CNTNAP3B: variants seen among roughly 807,000 people sequenced by gnomAD.
CNTNAP3B encodes the protein contactin associated protein family member 3B, also known as contactin-associated protein-like 3B.
CNTNAP3B carries 25 observed loss-of-function variants against 108.9 expected under a neutral mutation model. The ratio of observed to expected loss-of-function variants is 0.23; its 90% CI spans 0.17 to 0.32. The LOEUF (loss-of-function observed/expected upper bound fraction) is 0.32. Among genes scored for constraint, CNTNAP3B ranks in the 10% least tolerant of loss-of-function variants. The probability of loss-of-function intolerance (pLI) is 1.00; values close to 1 mark genes in which losing one functional copy is unlikely to be tolerated. For missense variants in CNTNAP3B, 252 were observed against 1,210.4 expected (o/e 0.21, Z 11.75); for synonymous variants, 103 against 473.4 (o/e 0.22, Z 10.16).
Position 41,937,097 on chromosome 9 carries a change from C to CG in CNTNAP3B, c.2237+1146_2237+1147insC, listed in dbSNP as rs1363772273. Among the ~76,000 whole-genome samples, 11 of 132,532 alleles carry CG rather than the reference C, an allele frequency of 8.3e-5. No individual in the cohort carries two copies. The East Asian group carries it at 2.0e-3, about 24-fold the overall frequency. The allele number at this position is 132,532 out of a possible 152,430, so 86.9% of individuals were successfully genotyped here. A position where few individuals can be genotyped will look rare whatever the true frequency, so the allele number is the denominator to read the frequency against. ...ATACTGACACCTGGAATGACCATTACATTTTTTATTTATTAATTTATTATT... is the reference window on the plus strand; with the variant it reads ...ATACTGACACCTGGAATGACCATTACGATTTTTTATTTATTAATTTATTATT... On this transcript the variant is annotated intron_variant, in intron 14 of 23. Transcript: ENST00000377561.
intron 4 of CNTNAP3B, among the ~76,000 whole-genome samples, chr9:42,003,168 C>T (rs144792800): frequency 0.012 from 1,721 of 139,748 alleles, 228 homozygotes; most frequent in African/African-American, 0.046. Flanking sequence ...GGATTACAGG[C>T]ATAAGCCACC....
chr9:41,950,875 G>T (rs62536513), intron 13 of CNTNAP3B, among the ~76,000 whole-genome samples: 1 of 147,254 alleles, frequency 6.8e-6, no homozygotes, highest in African/African-American at 2.5e-5. Flanking sequence ...ATTCTCCTGC[G>T]TCAGCCTCCC....
intron 17 of CNTNAP3B, among the ~76,000 whole-genome samples, chr9:41,921,594 T>C (rs1365494991): frequency 1.2e-4 from 19 of 152,366 alleles, no homozygotes; most frequent in Admixed American, 4.6e-4. Flanking sequence ...TCTGTGTAGC[T>C]CCTACGTTAG....
rs1289885924 is a variant in CNTNAP3B at position 42,098,911 on chromosome 9, C to T, written c.196+5718G>A. 3.0e-5 allele frequency among the ~76,000 whole-genome samples: 4 copies of T among 132,100 alleles called. 1 individual carries two copies. The highest frequency in any genetic ancestry group is 1.2e-4 in the African/African-American group (4 of 32,790). The allele number at this position is 132,100 out of a possible 152,430, so 86.7% of individuals were successfully genotyped here. A position where few individuals can be genotyped will look rare whatever the true frequency, so the allele number is the denominator to read the frequency against. ...GCTTCCCCATCTTTGTTCTGTGGAGCCACACAGGCAGCCTGATACCTGGGC... is the reference window on the plus strand; with the variant it reads ...GCTTCCCCATCTTTGTTCTGTGGAGTCACACAGGCAGCCTGATACCTGGGC... On this transcript the variant is annotated intron_variant, in intron 2 of 23. Transcript: ENST00000377561.
In CNTNAP3B at chr9:41,998,621, T is replaced by TA; in HGVS notation, c.539-18dup. ...CCTCAGATTCTAGGAAAGAAGATAT[T>TA]AAAAAGCAATTCTAAATATAAATAT... On this transcript the variant is annotated splice_polypyrimidine_tract_variant and intron_variant, in intron 4 of 23. Transcript: ENST00000377561. 1 of 1,326,268 alleles carries TA rather than the reference T, an allele frequency of 7.5e-7. No homozygotes were observed. The highest frequency in any genetic ancestry group is 1.0e-6 in the Non-Finnish European group (1 of 968,224). 82.2% of individuals were successfully genotyped at this position (1,326,268 alleles called of 1,614,324 possible).
chr9:42,103,320 C>T (rs1432683221), intron 2 of CNTNAP3B, among the ~76,000 whole-genome samples: 4 of 148,684 alleles, frequency 2.7e-5, no homozygotes, highest in Non-Finnish European at 5.9e-5. Context: ...CATAGCCATA[C>T]TGCCTATAAC....
At chr9:41,947,861 C>G (rs1418687376) in intron 13 of CNTNAP3B, among the ~76,000 whole-genome samples, 2 of 152,218 alleles carry the variant, frequency 1.3e-5, no homozygotes, top group African/African-American at 2.4e-5. Context: ...CTGGAGACAT[C>G]AAACGAATAA....
At chr9:42,036,487 C>A (rs1470486328) in intron 3 of CNTNAP3B, among the ~76,000 whole-genome samples, 1 of 137,944 alleles carries the variant, frequency 7.2e-6, no homozygotes, top group Non-Finnish European at 1.5e-5. Context: ...AAGGCAGCAG[C>A]GAGACTAGGG....
chr9:41,953,286 G>T lies in CNTNAP3B; in HGVS notation c.1977C>A (p.Tyr659Ter). Reference protein sequence around the residue: ...GHPLSAVSFAYAAGAGQLRAA... With the variant: ...GHPLSAVSFA The stretch of plus-strand genomic sequence containing the variant: ...CCCGCAGCTGCCCCGCGCCCGCTGC[G>T]TACGCGAAGGACACAGCCGAGAGCG... Residue 659 changes from tyrosine to a stop codon, truncating the protein, a stop_gained, in exon 13 of 24, where the codon TAC becomes TAA. Transcript: ENST00000377561. LOFTEE classifies it high-confidence loss of function. 2 of 1,529,384 alleles carry T rather than the reference G, an allele frequency of 1.3e-6. No homozygotes were observed. Among genetic ancestry groups the T allele is most frequent in the Admixed American group, 2.1e-5 (1 of 47,606 alleles). 94.7% of individuals were successfully genotyped at this position (1,529,384 alleles called of 1,614,324 possible).
intron 13 of CNTNAP3B, among the ~76,000 whole-genome samples, chr9:41,951,165 G>A (rs1415935510): frequency 7.0e-6 from 1 of 143,136 alleles, no homozygotes; most frequent in Non-Finnish European, 1.5e-5. Flanking sequence ...CCTTGGGGTG[G>A]GGGAACTGCT....
At chr9:41,956,242 C>T (rs1276140800) in intron 12 of CNTNAP3B, among the ~76,000 whole-genome samples, 10 of 151,930 alleles carry the variant, frequency 6.6e-5, no homozygotes, top group South Asian at 2.1e-4. Context: ...AAAAATTAGC[C>T]GGGCGTGGTG....
intron 2 of CNTNAP3B, among the ~76,000 whole-genome samples, chr9:42,093,778 C>T (rs1429188884): frequency 1.8e-5 from 1 of 54,318 alleles, no homozygotes; most frequent in African/African-American, 5.4e-5. Flanking sequence ...TGTTACAGTA[C>T]GGGCCAGAAT....
Position 42,095,049 on chromosome 9 carries a change from C to T in CNTNAP3B, c.196+9580G>A, listed in dbSNP as rs199629941. Among the ~76,000 whole-genome samples, 3 of 128,680 alleles carry T rather than the reference C, an allele frequency of 2.3e-5. 1 individual carries two copies. The highest frequency in any genetic ancestry group is 4.9e-5 in the Non-Finnish European group (3 of 60,884). The allele number at this position is 128,680 out of a possible 152,430, so 84.4% of individuals were successfully genotyped here. A position where few individuals can be genotyped will look rare whatever the true frequency, so the allele number is the denominator to read the frequency against. ...GCGGTGAGAATAGTTAAAATTCTCT[C>T]ATATATTTCAAAACAGACAACACTT... On this transcript the variant is annotated intron_variant, in intron 2 of 23. Coordinates refer to ENST00000377561, the MANE Select transcript of CNTNAP3B (RefSeq NM_001201380.3).
chr9:41,925,525 G>A (rs1053891100), intron 15 of CNTNAP3B, among the ~76,000 whole-genome samples: 6 of 152,384 alleles, frequency 3.9e-5, no homozygotes, highest in East Asian at 3.9e-4. Context: ...CCCGGGAGGC[G>A]GAGCTTGCAG....
chr9:41,921,159 G>A (rs1823657254), intron 17 of CNTNAP3B, among the ~76,000 whole-genome samples: 1 of 152,310 alleles, frequency 6.6e-6, no homozygotes, highest in African/African-American at 2.4e-5. Flanking sequence ...TGATTCTGAA[G>A]CCAGTGCTTC....
At chr9:41,930,771 C>T (rs1168977440) in intron 14 of CNTNAP3B, among the ~76,000 whole-genome samples, 1 of 152,256 alleles carries the variant, frequency 6.6e-6, no homozygotes, top group Non-Finnish European at 1.5e-5. Context: ...CTAGGGGAAC[C>T]TGGGGTCCTG....
intron 1 of CNTNAP3B, among the ~76,000 whole-genome samples, chr9:42,123,602 G>GA (rs1828508146): frequency 7.7e-6 from 1 of 129,840 alleles, no homozygotes; most frequent in Non-Finnish European, 1.6e-5. Context: ...GAAGCTCAAG[G>GA]TTGCAGAAGA....
intron 13 of CNTNAP3B, among the ~76,000 whole-genome samples, chr9:41,941,935 G>C (rs1204627505): frequency 6.6e-6 from 1 of 152,200 alleles, no homozygotes; most frequent in Admixed American, 6.5e-5. Flanking sequence ...TCTCCAGCAG[G>C]GGGAGGGAAG....
Position 42,042,306 on chromosome 9 carries a change from T to C in CNTNAP3B, c.391-28781A>G, listed in dbSNP as rs1397176788. Among the ~76,000 whole-genome samples, 26 of 121,174 alleles carry C rather than the reference T, an allele frequency of 2.1e-4. 8 individuals carry two copies. The highest frequency in any genetic ancestry group is 8.0e-4 in the African/African-American group (24 of 30,062). The allele number at this position is 121,174 out of a possible 152,430, so 79.5% of individuals were successfully genotyped here. A position where few individuals can be genotyped will look rare whatever the true frequency, so the allele number is the denominator to read the frequency against. The stretch of plus-strand genomic sequence containing the variant: ...TTCCTGTTCTAGATAGATAAACCTC[T>C]AGATATTAGAGAGTTGTCAATTTTC... On this transcript the variant is annotated intron_variant, in intron 3 of 23. Coordinates refer to ENST00000377561, the MANE Select transcript of CNTNAP3B (RefSeq NM_001201380.3).
Sources: allele counts gnomAD v4.1 joint callset (sites outside exome capture counted in the v4.1 genomes callset), GRCh38; gene constraint gnomAD v4.1.1; transcripts MANE v1.5; gene names NCBI Gene and HGNC (gene_info 2026-07-23, HGNC 2026-07-21).